The following PISD variants were observed in gnomAD, a reference collection of about 807,000 sequenced individuals.
PISD encodes phosphatidylserine decarboxylase proenzyme, mitochondrial.
Under a neutral mutation model 43.5 loss-of-function variants are expected in PISD, and 31 were observed. That is an observed-to-expected ratio of 0.71 (90% CI 0.54 to 0.96). PISD has a LOEUF of 0.96. Ranked by LOEUF, PISD falls within the 40% of genes least tolerant of loss-of-function variation. The pLI, the probability that PISD is intolerant of heterozygous loss-of-function variation, is 0.00. For missense variants in PISD, 523 were observed against 548.4 expected, an observed-to-expected ratio of 0.95 and a Z score of 0.46; for synonymous variants, 259 against 228.7, an observed-to-expected ratio of 1.13 and a Z score of -1.20.
At chr22:31,632,234 G>C in intron 3 of PISD, 1 of 985,254 alleles carries the variant, frequency 1.0e-6, no homozygotes, top group Non-Finnish European at 1.2e-6. Flanking sequence ...CCTGGGATGC[G>C]GCAGGGGGAA....
At chr22:31,658,628 C>A (rs953603556) in intron 1 of PISD, among the ~76,000 whole-genome samples, 7 of 152,034 alleles carry the variant, frequency 4.6e-5, no homozygotes, top group Non-Finnish European at 8.8e-5. Flanking sequence ...CAGCTCACTG[C>A]AGCCTCGACC....
At chr22:31,639,382 C>A (rs926007953) in intron 3 of PISD, among the ~76,000 whole-genome samples, 14 of 152,024 alleles carry the variant, frequency 9.2e-5, no homozygotes, top group Non-Finnish European at 1.9e-4. Context: ...CCATGTTGGC[C>A]AGGCTGGCTA....
intron 3 of PISD, chr22:31,631,011 A>C: frequency 7.3e-6 from 2 of 274,430 alleles, no homozygotes; most frequent in Non-Finnish European, 1.1e-5. Flanking sequence ...GGGCCCCTTT[A>C]AGAGGAAGGG....
chr22:31,645,584 G>T lies in PISD; in HGVS notation c.321+2517C>A, dbSNP rs1601423104. Among the ~76,000 whole-genome samples the T allele has an allele frequency of 2.1e-5, 3 of 143,852 alleles. 1 individual carries two copies. The allele number at this position is 143,852 out of a possible 152,430, so 94.4% of individuals were successfully genotyped here. A position where few individuals can be genotyped will look rare whatever the true frequency, so the allele number is the denominator to read the frequency against. On this transcript the variant is annotated intron_variant, in intron 3 of 7. Coordinates refer to ENST00000439502, the MANE Select transcript of PISD (RefSeq NM_001326411.2). ...GTAGAGGCGGGGTTTCACCATGTTG[G>T]CCAGGCTTGTCTCGAACTCCTGACC...
chr22:31,650,710 G>A lies in PISD; in HGVS notation c.134C>T (p.Ala45Val), dbSNP rs770479396. Residue 45 changes from alanine (A) to valine (V), a missense_variant, in exon 2 of 8, where the codon GCC becomes GTC. Coordinates refer to ENST00000439502, the MANE Select transcript of PISD (RefSeq NM_001326411.2). ...TAATTGCTCCTTACCTGTGCGAAAG[G>A]CTCTAAAAGGCAGCTTCCGTAAGGG... ...LQPLRKLPFRAFRTDARKIHT... is the reference protein window; with the variant it reads ...LQPLRKLPFRVFRTDARKIHT... 6.5e-7 allele frequency: 1 copy of A among 1,549,110 alleles called. No homozygotes were observed. Among genetic ancestry groups the A allele is most frequent in the South Asian group, 1.2e-5 (1 of 84,112 alleles).
upstream of PISD, chr22:31,662,316 G>A: frequency 8.6e-7 from 1 of 1,161,872 alleles, no homozygotes; most frequent in Non-Finnish European, 1.3e-6. Flanking sequence ...CGCGGGTTGG[G>A]GGCGGAGCCG....
At chr22:31,629,071 A>G (rs2073061414) in intron 3 of PISD, 1 of 985,458 alleles carries the variant, frequency 1.0e-6, no homozygotes, top group Non-Finnish European at 1.2e-6. Context: ...TCCATACCAG[A>G]GCAGTAAGGC....
At position 31,633,709 on chromosome 22, in the gene PISD, G is replaced by A. The variant is rs558925714; in HGVS notation, c.322-11824C>T. ...CAGCCTGGGCGACAGAGCGAGACTC[G>A]TCTCAAAAAACAAACAAACAAACAA... On this transcript the variant is annotated intron_variant, in intron 3 of 7. Transcript: ENST00000439502. 2.0e-4 allele frequency among the ~76,000 whole-genome samples: 30 copies of A among 151,490 alleles called. 1 individual carries two copies. In the South Asian group the frequency reaches 6.0e-3, roughly 30 times the overall value.
At chr22:31,662,461 G>T, upstream of PISD, 1 of 537,716 alleles carries the variant, frequency 1.9e-6, no homozygotes, top group Non-Finnish European at 3.4e-6. Flanking sequence ...TTCCCTCTGG[G>T]TGCCTTTCCT....
chr22:31,627,699 CCTCACTGA>C (rs2072984976), intron 3 of PISD, among the ~76,000 whole-genome samples: 1 of 152,270 alleles, frequency 6.6e-6, no homozygotes, highest in African/African-American at 2.4e-5. Context: ...TGCCAGTTTT[CCTCACTGA>C]CCTACCATGT....
chr22:31,637,504 T>C lies in PISD; in HGVS notation c.321+10597A>G, dbSNP rs1281198346. On this transcript the variant is annotated intron_variant, in intron 3 of 7. Coordinates refer to ENST00000439502, the MANE Select transcript of PISD (RefSeq NM_001326411.2). ...CACGCCACTCTGAACCGGACCCTCC[T>C]CTGTACTTCCTCCTGCACCAGCTCG... Among the ~76,000 whole-genome samples the C allele has an allele frequency of 5.3e-5, 8 of 152,062 alleles. 1 individual carries two copies. In the South Asian group the frequency reaches 1.7e-3, roughly 31 times the overall value.
intron 3 of PISD, among the ~76,000 whole-genome samples, chr22:31,637,160 AAAAAATATATATATAT>A (rs1197712598): frequency 2.4e-3 from 57 of 23,336 alleles, no homozygotes; most frequent in East Asian, 9.1e-3. Flanking sequence ...AAAAAAAAAA[AAAAAATATATATATAT>A]ATATATATAT....
chr22:31,657,438 T>C (rs140499111), intron 1 of PISD, among the ~76,000 whole-genome samples: 1,607 of 152,048 alleles, frequency 0.011, 8 homozygotes, highest in Middle Eastern at 0.031. Context: ...CCCAGCCTTT[T>C]AGTTATTTTT....
intron 3 of PISD, among the ~76,000 whole-genome samples, chr22:31,643,122 AATAGAG>A (rs10596164): frequency 0.4 from 58,230 of 147,222 alleles, 12,565 homozygotes; most frequent in Middle Eastern, 0.56. Flanking sequence ...AAAAAAAGAA[AATAGAG>A]ATAAAGACAG....
intron 3 of PISD, among the ~76,000 whole-genome samples, chr22:31,622,943 G>A (rs1170725920): frequency 1.3e-5 from 2 of 152,236 alleles, no homozygotes; most frequent in African/African-American, 4.8e-5. Flanking sequence ...TCCAAGGTAA[G>A]GTAAGCTCCC....
chr22:31,658,965 T>G (rs1424114040), intron 1 of PISD, among the ~76,000 whole-genome samples: 1 of 151,334 alleles, frequency 6.6e-6, no homozygotes, highest in Non-Finnish European at 1.5e-5. Flanking sequence ...GCAATCCTCC[T>G]ACCTCAGCCT....
chr22:31,636,054 C>G (rs9621299), intron 3 of PISD, among the ~76,000 whole-genome samples: 13,063 of 152,294 alleles, frequency 0.086, 651 homozygotes, highest in African/African-American at 0.16. Flanking sequence ...GCATGTACAT[C>G]GCTCACCAAC....
intron 1 of PISD, among the ~76,000 whole-genome samples, 154 bp from the exon 2 acceptor site, chr22:31,650,932 G>A (rs2074014047): frequency 6.6e-6 from 1 of 152,088 alleles, no homozygotes; most frequent in Non-Finnish European, 1.5e-5. Context: ...TGTCCTTGTA[G>A]GGGAAGGACT....
intron 3 of PISD, among the ~76,000 whole-genome samples, chr22:31,624,208 C>G (rs1265821807): frequency 1.3e-5 from 2 of 152,222 alleles, no homozygotes; most frequent in African/African-American, 4.8e-5. Flanking sequence ...GCCCAAGCAC[C>G]TGGGCCCAGG....
Sources: allele counts gnomAD v4.1 joint callset (sites outside exome capture counted in the v4.1 genomes callset), GRCh38; gene constraint gnomAD v4.1.1; transcripts MANE v1.5; gene names NCBI Gene and HGNC (gene_info 2026-07-23, HGNC 2026-07-21).